The following ELMOD1 variants were observed in gnomAD, a reference collection of about 807,000 sequenced individuals.
ELMOD1 encodes ELMO domain containing 1.
Under a neutral mutation model 46.7 loss-of-function variants are expected in ELMOD1, and 21 were observed. That is an observed-to-expected ratio of 0.45 (90% CI 0.32 to 0.65). The LOEUF (loss-of-function observed/expected upper bound fraction) is 0.65. ELMOD1 is among the 30% of genes least tolerant of loss of function. The pLI is 0.04. For missense variants in ELMOD1, 348 were observed against 407.8 expected (o/e 0.85, Z 1.26); for synonymous variants, 122 against 138.2 (o/e 0.88, Z 0.82).
chr11:107,634,839 A>C (rs1866200512), intron 5 of ELMOD1, among the ~76,000 whole-genome samples: 1 of 152,250 alleles, frequency 6.6e-6, no homozygotes, highest in Non-Finnish European at 1.5e-5. Context: ...AGAGATTAGA[A>C]GACTCGCTAT....
intron 1 of ELMOD1, among the ~76,000 whole-genome samples, chr11:107,616,058 C>A (rs1865858626): frequency 6.9e-6 from 1 of 144,488 alleles, no homozygotes; most frequent in African/African-American, 2.6e-5. Context: ...TGCAGTGGTG[C>A]CATCTTGCCT....
intron 11 of ELMOD1, among the ~76,000 whole-genome samples, chr11:107,657,465 C>CAGCA (rs1316908462): frequency 6.6e-6 from 1 of 152,140 alleles, no homozygotes; most frequent in East Asian, 1.9e-4. Context: ...GAGGCCAAGG[C>CAGCA]TGCTATGAGC....
At chr11:107,657,102 C>A (rs894153578) in intron 11 of ELMOD1, among the ~76,000 whole-genome samples, 2 of 151,986 alleles carry the variant, frequency 1.3e-5, no homozygotes, top group African/African-American at 4.8e-5. Context: ...TATACCCACA[C>A]CAAGGTTCTA....
At chr11:107,595,082 G>T (rs1220413165) in intron 1 of ELMOD1, among the ~76,000 whole-genome samples, 1 of 151,912 alleles carries the variant, frequency 6.6e-6, no homozygotes, top group African/African-American at 2.4e-5. Flanking sequence ...ATTTCTTGAA[G>T]ATTCCAATTT....
chr11:107,659,546 G>A (rs1021218376), intron 11 of ELMOD1, among the ~76,000 whole-genome samples: 67 of 151,316 alleles, frequency 4.4e-4, no homozygotes, highest in Admixed American at 2.0e-4. Context: ...GTCAAAGTTA[G>A]AATCATAAAG....
At chr11:107,591,918 G>T in intron 1 of ELMOD1, 1 of 503,810 alleles carries the variant, frequency 2.0e-6, no homozygotes, top group Non-Finnish European at 4.1e-6. Context: ...TGGGAGGAGC[G>T]GTCGGCTGGG....
chr11:107,633,551 G>C (rs1421072990), intron 5 of ELMOD1, among the ~76,000 whole-genome samples: 2 of 152,054 alleles, frequency 1.3e-5, no homozygotes, highest in African/African-American at 4.8e-5. Flanking sequence ...TCCTGCCTCA[G>C]CCTCCCAAGT....
chr11:107,650,087 A>T (rs1463959303), intron 7 of ELMOD1, among the ~76,000 whole-genome samples: 1 of 152,214 alleles, frequency 6.6e-6, no homozygotes, highest in Non-Finnish European at 1.5e-5. Flanking sequence ...AAAGCTCTTA[A>T]TTAAATTTTC....
At chr11:107,638,164 C>T (rs571430105) in intron 6 of ELMOD1, among the ~76,000 whole-genome samples, 5 of 152,218 alleles carry the variant, frequency 3.3e-5, no homozygotes, top group Admixed American at 1.3e-4. Context: ...CTGCAGAAGC[C>T]GGCTCGTTTT....
At position 107,630,507 on chromosome 11, in the gene ELMOD1, A is replaced by T. The variant is rs1866117203; in HGVS notation, c.108A>T (p.Glu36Asp). The T allele has an allele frequency of 6.2e-7, 1 of 1,610,120 alleles. No individual in the cohort carries two copies. Among genetic ancestry groups the T allele is most frequent in the African/African-American group, 1.3e-5 (1 of 74,890 alleles). The change falls in exon 3 of 12, where the codon GAA becomes GAT. Residue 36 changes from glutamate (E) to aspartate (D), a missense_variant. Transcript: ENST00000265840. ...TGAGGAAGCTAACTGGAAGATGTGA[A>T]CTACAACGGATCTGTTATAATACCA... ...FVMRKLTGRC[E>D]LQRICYNTKP...
intron 6 of ELMOD1, among the ~76,000 whole-genome samples, chr11:107,642,090 C>T (rs1463460632): frequency 1.3e-5 from 2 of 151,468 alleles, no homozygotes; most frequent in Non-Finnish European, 1.5e-5. Context: ...ATTACAGGCA[C>T]CTGCCACCAT....
At chr11:107,634,974 C>T (rs192958058) in intron 5 of ELMOD1, among the ~76,000 whole-genome samples, 5 of 152,294 alleles carry the variant, frequency 3.3e-5, no homozygotes, top group East Asian at 1.9e-4. Context: ...ACAACTACAG[C>T]GGTCAGAATG....
At chr11:107,619,956 G>T (rs1420782362) in intron 2 of ELMOD1, 1 of 152,138 alleles carries the variant, frequency 6.6e-6, no homozygotes, top group East Asian at 1.9e-4. Flanking sequence ...GAAACTTGAG[G>T]ATTTTCATTG....
chr11:107,629,754 C>T (rs536222794), intron 2 of ELMOD1, among the ~76,000 whole-genome samples: 5 of 152,206 alleles, frequency 3.3e-5, no homozygotes, highest in Non-Finnish European at 5.9e-5. Flanking sequence ...AAGGTCGTCA[C>T]GTCTAGGAAA....
chr11:107,619,427 T>G (rs1865912286), intron 2 of ELMOD1, among the ~76,000 whole-genome samples: 1 of 152,216 alleles, frequency 6.6e-6, no homozygotes, highest in African/African-American at 2.4e-5. Flanking sequence ...CATGAAAATT[T>G]GGCATTTGTG....
chr11:107,591,777 C>G (rs1454649377), intron 1 of ELMOD1: 1 of 459,716 alleles, frequency 2.2e-6, no homozygotes, highest in African/African-American at 2.0e-5. Context: ...GGGACAAGGG[C>G]GGCCTGGCTG....
chr11:107,622,937 C>T (rs1209214382), intron 2 of ELMOD1, among the ~76,000 whole-genome samples: 2 of 152,050 alleles, frequency 1.3e-5, no homozygotes, highest in East Asian at 3.9e-4. Flanking sequence ...ATGACACATA[C>T]ATATATAAAC....
At chr11:107,659,233 C>G (rs1415236238) in intron 11 of ELMOD1, among the ~76,000 whole-genome samples, 1 of 152,158 alleles carries the variant, frequency 6.6e-6, no homozygotes, top group Non-Finnish European at 1.5e-5. Context: ...CATCAACATC[C>G]AGATAAAGAA....
intron 1 of ELMOD1, chr11:107,592,108 T>C (rs1865409653): frequency 2.6e-6 from 1 of 381,032 alleles, no homozygotes; most frequent in African/African-American, 2.1e-5. Flanking sequence ...GGTGCTTTTT[T>C]TTGTTTTCCA....
Sources: allele counts gnomAD v4.1 joint callset (sites outside exome capture counted in the v4.1 genomes callset), GRCh38; gene constraint gnomAD v4.1.1; transcripts MANE v1.5; gene names NCBI Gene and HGNC (gene_info 2026-07-23, HGNC 2026-07-21).